Variants in SEMA3E observed in about 807,000 individuals in gnomAD.
SEMA3E encodes semaphorin 3E, also known as semaphorin-3E.
SEMA3E carries 49 observed loss-of-function variants against 93.6 expected under a neutral mutation model. The ratio of observed to expected loss-of-function variants is 0.52; its 90% confidence interval spans 0.42 to 0.66. SEMA3E has a LOEUF of 0.66. Among genes scored for constraint, SEMA3E ranks in the 30% least tolerant of loss-of-function variants. The pLI is 0.00. For synonymous variants in SEMA3E, 363 were observed against 330.7 expected (o/e 1.10, Z -1.06); for missense variants, 906 against 964.8 (o/e 0.94, Z 0.81).
At chr7:83,619,852 C>A (rs746220109) in intron 1 of SEMA3E, among the ~76,000 whole-genome samples, 1 of 150,956 alleles carries the variant, frequency 6.6e-6, no homozygotes, top group Non-Finnish European at 1.5e-5. Context: ...AAATATATAC[C>A]TGTGTACCTG....
At chr7:83,442,000 A>T (rs1319485838) in intron 4 of SEMA3E, among the ~76,000 whole-genome samples, 1 of 152,224 alleles carries the variant, frequency 6.6e-6, no homozygotes, top group Non-Finnish European at 1.5e-5. Flanking sequence ...CATAACTATA[A>T]ATGAATGAAG....
chr7:83,474,938 T>C (rs1422009508), intron 2 of SEMA3E, among the ~76,000 whole-genome samples: 1 of 151,886 alleles, frequency 6.6e-6, no homozygotes, highest in African/African-American at 2.4e-5. Flanking sequence ...ATTATTCAAA[T>C]GTATATGCTA....
intron 16 of SEMA3E, among the ~76,000 whole-genome samples, chr7:83,377,797 T>G (rs1787682010): frequency 6.6e-6 from 1 of 152,016 alleles, no homozygotes; most frequent in South Asian, 2.1e-4. Context: ...AATGCATATT[T>G]AAATTTTTCC....
Position 83,364,269 on chromosome 7 carries a change from A to G in SEMA3E, c.*3317T>C, listed in dbSNP as rs1174783894. 1 of 152,176 alleles carries G rather than the reference A, an allele frequency of 6.6e-6. No homozygotes were observed. The highest frequency in any genetic ancestry group is 2.4e-5 in the African/African-American group (1 of 41,444). The allele number at this position is 152,176 out of a possible 1,614,324, so 9.4% of individuals were successfully genotyped here. The stretch of plus-strand genomic sequence containing the variant: ...ACCAACACTCAAAATGACTTATAGT[A>G]TTTTACAAATTTTACAAATGTTTAT... On this transcript the variant is annotated 3_prime_UTR_variant, in exon 17 of 17. Coordinates refer to ENST00000643230, the MANE Select transcript of SEMA3E (RefSeq NM_012431.3).
At chr7:83,511,238 T>C (rs1233370112) in intron 1 of SEMA3E, among the ~76,000 whole-genome samples, 1 of 152,020 alleles carries the variant, frequency 6.6e-6, no homozygotes, top group Non-Finnish European at 1.5e-5. Flanking sequence ...TACTAAGTGC[T>C]TGCCAATGTT....
At chr7:83,387,882 A>ATATATATATAACATTATATATATGTT (rs1554318141) in intron 14 of SEMA3E, among the ~76,000 whole-genome samples, 4,732 of 140,780 alleles carry the variant, frequency 0.034, 291 homozygotes, top group African/African-American at 0.13. Flanking sequence ...ATATATGTTT[A>ATATATATATAACATTATATATATGTT]TATATATATA....
chr7:83,393,703 A>T (rs1788064769), intron 13 of SEMA3E, among the ~76,000 whole-genome samples: 1 of 152,170 alleles, frequency 6.6e-6, no homozygotes, highest in African/African-American at 2.4e-5. Flanking sequence ...AACATGAAGG[A>T]TTATTTATAA....
chr7:83,531,007 T>G (rs1038076777), intron 1 of SEMA3E, among the ~76,000 whole-genome samples: 1 of 152,156 alleles, frequency 6.6e-6, no homozygotes, highest in Non-Finnish European at 1.5e-5. Flanking sequence ...ACGTACATTT[T>G]CACATACACA....
At chr7:83,630,121 G>A (rs902728758) in intron 1 of SEMA3E, among the ~76,000 whole-genome samples, 7 of 152,166 alleles carry the variant, frequency 4.6e-5, no homozygotes, top group African/African-American at 1.4e-4. Flanking sequence ...TGCACCCACT[G>A]TCTAACCAGT....
intron 11 of SEMA3E, among the ~76,000 whole-genome samples, chr7:83,397,414 A>G (rs1444234631): frequency 6.6e-6 from 1 of 152,092 alleles, no homozygotes; most frequent in East Asian, 1.9e-4. Flanking sequence ...TATGGTACGA[A>G]ACTATACCTT....
chr7:83,396,837 G>C (rs941965661), intron 11 of SEMA3E, 108 bp from the exon 12 acceptor site: 12 of 735,458 alleles, frequency 1.6e-5, no homozygotes, highest in Non-Finnish European at 2.4e-5. Flanking sequence ...TAATCACTTT[G>C]GGAGGCCAAG....
chr7:83,396,379 A>T (rs1261188760), intron 12 of SEMA3E, among the ~76,000 whole-genome samples: 1 of 152,134 alleles, frequency 6.6e-6, no homozygotes, highest in Admixed American at 6.6e-5. Context: ...AATTATATGT[A>T]GTATAAATGT....
At chr7:83,584,332 C>T (rs1302083928) in intron 1 of SEMA3E, among the ~76,000 whole-genome samples, 2 of 152,086 alleles carry the variant, frequency 1.3e-5, no homozygotes, top group African/African-American at 4.8e-5. Flanking sequence ...AAGTTGTGCA[C>T]TCTGTCTATT....
At chr7:83,598,740 C>T (rs1216490315) in intron 1 of SEMA3E, among the ~76,000 whole-genome samples, 3 of 152,154 alleles carry the variant, frequency 2.0e-5, no homozygotes. Context: ...AAGATATTTA[C>T]CACAAGAAAA....
At chr7:83,420,000 A>ACTG (rs1788641067) in intron 4 of SEMA3E, among the ~76,000 whole-genome samples, 1 of 152,172 alleles carries the variant, frequency 6.6e-6, no homozygotes, top group African/African-American at 2.4e-5. Context: ...AAAAGAAGTC[A>ACTG]AACGATCTCT....
chr7:83,584,838 A>T (rs1270448208), intron 1 of SEMA3E, among the ~76,000 whole-genome samples: 1 of 151,822 alleles, frequency 6.6e-6, no homozygotes, highest in Admixed American at 6.6e-5. Flanking sequence ...CTTCTCCTCC[A>T]CTCTTGTCAC....
intron 1 of SEMA3E, among the ~76,000 whole-genome samples, chr7:83,625,647 G>A (rs891189889): frequency 5.3e-5 from 8 of 152,078 alleles, no homozygotes; most frequent in African/African-American, 1.9e-4. Flanking sequence ...CATGTCATCT[G>A]CAAGCAGAGA....
At chr7:83,432,990 G>A (rs891824758) in intron 4 of SEMA3E, among the ~76,000 whole-genome samples, 1 of 152,100 alleles carries the variant, frequency 6.6e-6, no homozygotes, top group African/African-American at 2.4e-5. Flanking sequence ...AGTAGCTTTT[G>A]AAAACTTTTG....
At chr7:83,560,560 G>A (rs991199270) in intron 1 of SEMA3E, among the ~76,000 whole-genome samples, 1 of 151,886 alleles carries the variant, frequency 6.6e-6, no homozygotes, top group African/African-American at 2.4e-5. Context: ...GCATCTATTT[G>A]TAAATTCATT....
Sources: allele counts gnomAD v4.1 joint callset (sites outside exome capture counted in the v4.1 genomes callset), GRCh38; gene constraint gnomAD v4.1.1; transcripts MANE v1.5; gene names NCBI Gene and HGNC (gene_info 2026-07-23, HGNC 2026-07-21).